Variants in TMEM67 observed in about 807,000 individuals in gnomAD.
The protein encoded by TMEM67 is transmembrane protein 67.
Under a neutral mutation model 136.6 loss-of-function variants are expected in TMEM67, and 124 were observed. The observed-to-expected ratio is 0.91, with a 90% CI of 0.78 to 1.05. TMEM67 has a LOEUF of 1.05. Among genes scored for constraint, TMEM67 ranks in the 50% least tolerant of loss-of-function variants. TMEM67 has a pLI of 0.00. For missense variants in TMEM67, 1,107 were observed against 1,178.4 expected (o/e 0.94, Z 0.89); for synonymous variants, 364 against 390.5 (o/e 0.93, Z 0.80).
intron 26 of TMEM67, 83 bp from the exon 27 acceptor site, chr8:93,815,222 T>G (rs547052741): frequency 2.0e-5 from 19 of 932,742 alleles, no homozygotes; most frequent in Middle Eastern, 6.5e-4. Flanking sequence ...TTTTTAAACA[T>G]CCAGATTTTG....
chr8:93,764,054 G>T, intron 4 of TMEM67, 113 bp downstream of exon 4: 1 of 759,192 alleles, frequency 1.3e-6, no homozygotes. Context: ...ATAACCCAAG[G>T]AAGGATAGAA....
intron 23 of TMEM67, among the ~76,000 whole-genome samples, chr8:93,806,791 A>G (rs1366701783): frequency 6.6e-6 from 1 of 152,152 alleles, no homozygotes; most frequent in Non-Finnish European, 1.5e-5. Flanking sequence ...CTAGAAAAGA[A>G]TATTTCAGAC....
At chr8:93,755,483 C>T (rs1011493230) in intron 1 of TMEM67, among the ~76,000 whole-genome samples, 1 of 152,184 alleles carries the variant, frequency 6.6e-6, no homozygotes, top group African/African-American at 2.4e-5. Flanking sequence ...TGTACTCATA[C>T]TAACCCTGTG....
chr8:93,760,809 C>T (rs990848587), intron 3 of TMEM67, among the ~76,000 whole-genome samples: 2 of 151,848 alleles, frequency 1.3e-5, no homozygotes, highest in Admixed American at 6.6e-5. Context: ...AGACAGAGGT[C>T]GAAGTTCTTC....
chr8:93,819,968 A>G (rs549655763), downstream of TMEM67, among the ~76,000 whole-genome samples: 175 of 152,038 alleles, frequency 1.2e-3, no homozygotes, highest in Admixed American at 1.6e-3. Context: ...TGGCCCTGAA[A>G]CCCTAGGAGG....
At chr8:93,829,384 G>T in the TMEM67 span, among the ~76,000 whole-genome samples, 1 of 131,872 alleles carries the variant, frequency 7.6e-6, no homozygotes, top group Non-Finnish European at 1.6e-5. Context: ...CTCTCTCTCT[G>T]TGTGTGTGTG....
chr8:93,784,120 T>A (rs1285562835), intron 11 of TMEM67, among the ~76,000 whole-genome samples: 1 of 152,230 alleles, frequency 6.6e-6, no homozygotes, highest in Non-Finnish European at 1.5e-5. Context: ...AGAAATTATT[T>A]TTTTCTTTTT....
chr8:93,767,845 A>G (rs1813144078), intron 6 of TMEM67, among the ~76,000 whole-genome samples: 1 of 148,398 alleles, frequency 6.7e-6, no homozygotes, highest in Non-Finnish European at 1.5e-5. Flanking sequence ...CAGCCCTGGA[A>G]TCAGCCATTT....
chr8:93,771,902 G>C (rs115877164), intron 6 of TMEM67, among the ~76,000 whole-genome samples: 1 of 152,202 alleles, frequency 6.6e-6, no homozygotes, highest in Non-Finnish European at 1.5e-5. Context: ...GTGGTGCCAT[G>C]TTCATATAAT....
chr8:93,815,382 T>A lies in TMEM67; in HGVS notation c.2842T>A (p.Cys948Ser). ...TCTTATTTTTGATCTGCTGTTCTTC[T>A]GTGTTGTGGATTTGGCTTGCCAAAA... is the stretch of plus-strand genomic sequence containing the variant. Reference protein sequence around the residue: ...TLLIFDLLFFCVVDLACQNFI... With the variant: ...TLLIFDLLFFSVVDLACQNFI... The change falls in exon 27 of 28, where the codon TGT (cysteine) becomes AGT (serine). Residue 948 changes from cysteine to serine, a missense_variant. By Grantham distance (112) the Cys-to-Ser change is moderately radical. Transcript: ENST00000453321. The A allele has an allele frequency of 6.2e-7, 1 of 1,613,090 alleles. No homozygotes were observed. Among genetic ancestry groups the A allele is most frequent in the Non-Finnish European group, 8.5e-7 (1 of 1,179,460 alleles).
intron 6 of TMEM67, among the ~76,000 whole-genome samples, chr8:93,770,644 A>C (rs1310593896): frequency 6.6e-6 from 1 of 152,184 alleles, no homozygotes; most frequent in East Asian, 1.9e-4. Flanking sequence ...TATTATATAG[A>C]TGTTGTATAC....
At chr8:93,797,638 A>G (rs1266185572) in intron 20 of TMEM67, among the ~76,000 whole-genome samples, 168 bp downstream of exon 20, 1 of 152,196 alleles carries the variant, frequency 6.6e-6, no homozygotes, top group African/African-American at 2.4e-5. Flanking sequence ...TTTTACCACA[A>G]TTCTTTTTTT....
chr8:93,794,521 T>A (rs780781746), intron 16 of TMEM67, among the ~76,000 whole-genome samples: 5 of 152,216 alleles, frequency 3.3e-5, no homozygotes, highest in Non-Finnish European at 7.3e-5. Flanking sequence ...TTCTACTCAC[T>A]TGATTTTTGC....
rs1211295112 is a variant in TMEM67 at position 93,808,971 on chromosome 8, C to T, written c.2556+15C>T. On this transcript the variant is annotated intron_variant, in intron 24 of 27. Transcript: ENST00000453321. Reference sequence around the variant, plus strand: ...CACTAATAAGGGTTTGTATAAAGTACAGTTCAGATATATTCTGTCAATATT... The same window carrying T: ...CACTAATAAGGGTTTGTATAAAGTATAGTTCAGATATATTCTGTCAATATT... The T allele has an allele frequency of 3.3e-6, 5 of 1,528,998 alleles. No individual in the cohort carries two copies. Among genetic ancestry groups the T allele is most frequent in the South Asian group, 1.1e-5 (1 of 89,390 alleles). The allele number at this position is 1,528,998 out of a possible 1,614,324, so 94.7% of individuals were successfully genotyped here.
chr8:93,768,380 G>A (rs529441787), intron 6 of TMEM67, among the ~76,000 whole-genome samples: 1 of 152,124 alleles, frequency 6.6e-6, no homozygotes, highest in South Asian at 2.1e-4. Flanking sequence ...GGGAGGCCGA[G>A]GCAGGTGGAT....
intron 15 of TMEM67, among the ~76,000 whole-genome samples, chr8:93,791,612 A>G (rs183290853): frequency 5.9e-4 from 90 of 152,286 alleles, no homozygotes; most frequent in African/African-American, 2.1e-3. Flanking sequence ...GTGTTTTACA[A>G]TGTGTGACAG....
At chr8:93,809,372 G>T (rs1169465274) in intron 25 of TMEM67, among the ~76,000 whole-genome samples, 1 of 151,892 alleles carries the variant, frequency 6.6e-6, no homozygotes, top group Admixed American at 6.6e-5. Flanking sequence ...TATGGCTTAG[G>T]GATAGAATTA....
chr8:93,765,711 T>G, intron 6 of TMEM67, 65 bp downstream of exon 6: 2 of 1,067,706 alleles, frequency 1.9e-6, no homozygotes, highest in African/African-American at 1.6e-5. Flanking sequence ...CCATTAGTAA[T>G]TTCAGGCTAG....
intron 9 of TMEM67, 70 bp downstream of exon 9, chr8:93,781,052 C>G (rs1813802639): frequency 1.9e-6 from 2 of 1,072,430 alleles, no homozygotes; most frequent in African/African-American, 1.6e-5. Context: ...AATAAAGTTA[C>G]AATTCTTGCC....
Sources: gnomAD v4.1 joint callset for allele counts (sites outside exome capture counted in the v4.1 genomes callset) on GRCh38, gnomAD v4.1.1 for gene constraint, MANE v1.5 for transcripts, NCBI Gene and HGNC (gene_info 2026-07-23, HGNC 2026-07-21) for gene names.